Variants in FAM20C observed in about 807,000 individuals in gnomAD.
FAM20C encodes extracellular serine/threonine protein kinase FAM20C.
In FAM20C, 40 loss-of-function variants were observed where a neutral mutation model predicts 51.5. That is an observed-to-expected ratio of 0.78 (90% CI 0.60 to 1.01). The LOEUF is 1.01. Ranked by LOEUF, FAM20C falls within the 50% of genes least tolerant of loss-of-function variation. The pLI is 0.00. For missense variants in FAM20C, 861 were observed against 844.7 expected (o/e 1.02, Z -0.24); for synonymous variants, 406 against 380.6 (o/e 1.07, Z -0.78).
intron 3 of FAM20C, among the ~76,000 whole-genome samples, chr7:241,852 GGTGT>G (rs1187498738): frequency 1.1e-4 from 17 of 148,156 alleles, no homozygotes; most frequent in African/African-American, 3.5e-4. Context: ...TGAGCGTGCA[GGTGT>G]GTGTGTGTGC....
intron 6 of FAM20C, chr7:256,372 G>A (rs1275663929): frequency 3.1e-5 from 18 of 573,292 alleles, no homozygotes; most frequent in Non-Finnish European, 5.0e-5. Flanking sequence ...GTCCTCGTGA[G>A]TGTGTAGTCC....
At chr7:236,125 C>T (rs1372306859) in intron 3 of FAM20C, among the ~76,000 whole-genome samples, 11 of 152,026 alleles carry the variant, frequency 7.2e-5, no homozygotes, top group African/African-American at 2.4e-4. Context: ...GGGTTCAGTA[C>T]TTTTCCAAAG....
chr7:195,772 G>C, intron 2 of FAM20C, 40 bp downstream of exon 2: 1 of 1,495,788 alleles, frequency 6.7e-7, no homozygotes, highest in Non-Finnish European at 9.0e-7. Context: ...TCTGTGTGCC[G>C]GCTGTGTGGC....
Sources: gnomAD v4.1 joint callset for allele counts (sites outside exome capture counted in the v4.1 genomes callset) on GRCh38, gnomAD v4.1.1 for gene constraint, MANE v1.5 for transcripts, NCBI Gene and HGNC (gene_info 2026-07-23, HGNC 2026-07-21) for gene names.